Variants in P2RY4 observed in about 807,000 individuals in gnomAD.
P2RY4 encodes the protein pyrimidinergic receptor P2Y4, also known as P2Y purinoceptor 4.
For missense variants in P2RY4, 291 were observed against 308.5 expected, an observed-to-expected ratio of 0.94 and a Z score of 0.42; for synonymous variants, 121 against 131.6, an observed-to-expected ratio of 0.92 and a Z score of 0.55.
chrX:70,258,215 G>A lies in P2RY4; in HGVS notation c.*312C>T, dbSNP rs1170937832. The A allele has an allele frequency of 1.6e-5, 4 of 249,211 alleles. No homozygotes were observed. The highest frequency in any genetic ancestry group is 2.8e-5 in the Non-Finnish European group (4 of 140,905). 20.5% of individuals were successfully genotyped at this position (249,211 alleles called of 1,213,427 possible). A position where few individuals can be genotyped will look rare whatever the true frequency, so the allele number is the denominator to read the frequency against. On this transcript the variant is annotated 3_prime_UTR_variant, in exon 1 of 1. Coordinates refer to ENST00000374519, the MANE Select transcript of P2RY4 (RefSeq NM_002565.4). ...AGAAACACATGCTATAGGAGGCTGT[G>A]GGGGAAATGGGACAGGGAAAGAGGA...
Position 70,258,614 on chromosome X carries a change from T to C in P2RY4, c.1011A>G (p.Leu337=). The C allele has an allele frequency of 1.7e-6, 2 of 1,211,764 alleles. No individual in the cohort carries two copies. The change falls in exon 1 of 1, where the codon CTA becomes CTG. Residue 337 remains leucine, a synonymous_variant. Transcript: ENST00000374519. ...QPRTAASSLA[L]VSLPEDSSCR... ...AGCTGCTATCCTCAGGCAGGGACACTAGTGCCAGGGAAGAGGCAGCCGTGC... is the reference window on the plus strand; with the variant it reads ...AGCTGCTATCCTCAGGCAGGGACACCAGTGCCAGGGAAGAGGCAGCCGTGC...
chrX:70,258,524 G>A lies in P2RY4; in HGVS notation c.*3C>T, dbSNP rs201734369. ...CTTTTCTCTCACTTCCCGGCTTCCC[G>A]TGTTACAATCTATCTGCCCTAGGAG... On this transcript the variant is annotated 3_prime_UTR_variant, in exon 1 of 1. Coordinates refer to ENST00000374519, the MANE Select transcript of P2RY4 (RefSeq NM_002565.4). The A allele has an allele frequency of 4.5e-4, 525 of 1,178,335 alleles. 3 individuals are homozygous for A. In the African/African-American group the frequency reaches 8.1e-3, roughly 18 times the overall value.
Position 70,259,561 on chromosome X carries a change from C to T in P2RY4, c.64G>A (p.Glu22Lys). 1 of 1,206,640 alleles carries T rather than the reference C, an allele frequency of 8.3e-7. No individual in the cohort carries two copies. Among genetic ancestry groups the T allele is most frequent in the Non-Finnish European group, 1.1e-6 (1 of 892,472 alleles). Residue 22 changes from glutamate (E) to lysine (K), a missense_variant, in exon 1 of 1, where the codon GAG becomes AAG. Transcript: ENST00000374519. The stretch of plus-strand genomic sequence containing the variant: ...TCAAACCAACAGTCCAGCTCCACCT[C>T]ACTGCTGCCAGGACCTGGGCTGAGG... ...LGLSPGPGSS[E>K]VELDCWFDED...
rs775858259 is a variant in P2RY4 at position 70,258,516 on chromosome X, G to A, written c.*11C>T. The A allele has an allele frequency of 8.5e-6, 10 of 1,172,828 alleles. No homozygotes were observed. The highest frequency in any genetic ancestry group is 3.9e-5 in the South Asian group (2 of 50,658). On this transcript the variant is annotated 3_prime_UTR_variant, in exon 1 of 1. Transcript: ENST00000374519. ...CTCATCCCCTTTTCTCTCACTTCCCGGCTTCCCGTGTTACAATCTATCTGC... is the reference window on the plus strand; with the variant it reads ...CTCATCCCCTTTTCTCTCACTTCCCAGCTTCCCGTGTTACAATCTATCTGC...
In P2RY4 at chrX:70,259,808, C is replaced by G. The variant is rs1319964617; in HGVS notation, c.-184G>C. On this transcript the variant is annotated 5_prime_UTR_variant, in exon 1 of 1. Coordinates refer to ENST00000374519, the MANE Select transcript of P2RY4 (RefSeq NM_002565.4). The stretch of plus-strand genomic sequence containing the variant: ...TGGCCCCTACCCAAGCTCCCTTGGT[C>G]CAGCTTGGGAAGTGGTGGGCAGCAG... 8.6e-6 allele frequency: 4 copies of G among 463,745 alleles called. No homozygotes were observed. The highest frequency in any genetic ancestry group is 3.7e-6 in the Non-Finnish European group (1 of 269,903). 38.2% of individuals were successfully genotyped at this position (463,745 alleles called of 1,213,427 possible).
Position 70,259,748 on chromosome X carries a change from T to C in P2RY4, c.-124A>G. 1.5e-6 allele frequency: 1 copy of C among 684,700 alleles called. No individual in the cohort carries two copies. The highest frequency in any genetic ancestry group is 2.1e-6 in the Non-Finnish European group (1 of 465,622). The allele number at this position is 684,700 out of a possible 1,213,427, so 56.4% of individuals were successfully genotyped here. A position where few individuals can be genotyped will look rare whatever the true frequency, so the allele number is the denominator to read the frequency against. The stretch of plus-strand genomic sequence containing the variant: ...CAGTGGTTGAAGCACTAGGGAGAGC[T>C]GACAGAAGCGCATCTGGGTGCACTC... On this transcript the variant is annotated 5_prime_UTR_variant, in exon 1 of 1. Coordinates refer to ENST00000374519, the MANE Select transcript of P2RY4 (RefSeq NM_002565.4).
rs933842218 is a variant in P2RY4 at position 70,258,332 on chromosome X, A to C, written c.*195T>G. The C allele has an allele frequency of 5.0e-6, 2 of 401,469 alleles. No homozygotes were observed. The highest frequency in any genetic ancestry group is 5.0e-5 in the African/African-American group (2 of 39,653). 33.1% of individuals were successfully genotyped at this position (401,469 alleles called of 1,213,427 possible). Reference sequence around the variant, plus strand: ...GGAGTAGAAGATTGGCATTGGCTAAAAAGAGTCGGCAACTGAAGGGGTTAT... The same window carrying C: ...GGAGTAGAAGATTGGCATTGGCTAACAAGAGTCGGCAACTGAAGGGGTTAT... On this transcript the variant is annotated 3_prime_UTR_variant, in exon 1 of 1. Coordinates refer to ENST00000374519, the MANE Select transcript of P2RY4 (RefSeq NM_002565.4).
At position 70,258,188 on chromosome X, in the gene P2RY4, A is replaced by C; in HGVS notation, c.*339T>G. 5.1e-6 allele frequency: 1 copy of C among 194,847 alleles called. No homozygotes were observed. Among genetic ancestry groups the C allele is most frequent in the Non-Finnish European group, 9.5e-6 (1 of 105,720 alleles). The allele number at this position is 194,847 out of a possible 1,213,427, so 16.1% of individuals were successfully genotyped here. A position where few individuals can be genotyped will look rare whatever the true frequency, so the allele number is the denominator to read the frequency against. On this transcript the variant is annotated 3_prime_UTR_variant, in exon 1 of 1. Transcript: ENST00000374519. The stretch of plus-strand genomic sequence containing the variant: ...TTCAGCTGAATGCTCTGGTCTGGGT[A>C]GAGAAACACATGCTATAGGAGGCTG...
chrX:70,258,818 G>A lies in P2RY4; in HGVS notation c.807C>T (p.Tyr269=), dbSNP rs773147008. 8.3e-7 allele frequency: 1 copy of A among 1,211,746 alleles called. No individual in the cohort carries two copies. Among genetic ancestry groups the A allele is most frequent in the Non-Finnish European group, 1.1e-6 (1 of 895,264 alleles). The change falls in exon 1 of 1, where the codon TAC becomes TAT. Residue 269 remains tyrosine (Y), a synonymous_variant. Coordinates refer to ENST00000374519, the MANE Select transcript of P2RY4 (RefSeq NM_002565.4). The stretch of plus-strand genomic sequence containing the variant: ...AGTCAGCTTCCAACAGCCTGGCCAG[G>A]TAGTAAATGGTGCGGGTGATGTGGA... ...VPFHITRTIY[Y]LARLLEADCR...
rs1377362344 is a variant in P2RY4, at chrX:70,258,321, G to A, written c.*206C>T. The A allele has an allele frequency of 5.1e-6, 2 of 389,256 alleles. No individual in the cohort carries two copies. The highest frequency in any genetic ancestry group is 9.7e-5 in the Admixed American group (2 of 20,702). 32.1% of individuals were successfully genotyped at this position (389,256 alleles called of 1,213,427 possible). A position where few individuals can be genotyped will look rare whatever the true frequency, so the allele number is the denominator to read the frequency against. On this transcript the variant is annotated 3_prime_UTR_variant, in exon 1 of 1. Transcript: ENST00000374519. The stretch of plus-strand genomic sequence containing the variant: ...ACAACGAGAAAGGAGTAGAAGATTG[G>A]CATTGGCTAAAAAGAGTCGGCAACT...
Position 70,258,429 on chromosome X carries a change from G to A in P2RY4, c.*98C>T. On this transcript the variant is annotated 3_prime_UTR_variant, in exon 1 of 1. Coordinates refer to ENST00000374519, the MANE Select transcript of P2RY4 (RefSeq NM_002565.4). Reference sequence around the variant, plus strand: ...GGGTGAGGGCTTCTCTCCAGAGCCTGGAAAAGAGGAAGAAGCACCTTACCA... The same window carrying A: ...GGGTGAGGGCTTCTCTCCAGAGCCTAGAAAAGAGGAAGAAGCACCTTACCA... 1.0e-6 allele frequency: 1 copy of A among 992,543 alleles called. No homozygotes were observed. The highest frequency in any genetic ancestry group is 3.0e-4 in the Middle Eastern group (1 of 3,305). The allele number at this position is 992,543 out of a possible 1,213,427, so 81.8% of individuals were successfully genotyped here. A position where few individuals can be genotyped will look rare whatever the true frequency, so the allele number is the denominator to read the frequency against.
Position 70,259,645 on chromosome X carries a change from G to A in P2RY4, c.-21C>T, listed in dbSNP as rs769303347. 3.9e-4 allele frequency: 453 copies of A among 1,155,471 alleles called. No individual in the cohort carries two copies. Among genetic ancestry groups the A allele is most frequent in the Non-Finnish European group, 4.9e-4 (428 of 867,537 alleles). On this transcript the variant is annotated 5_prime_UTR_variant, in exon 1 of 1. Transcript: ENST00000374519. ...GCCATGGCCCCCCTGGAGATGGGAA[G>A]GGGAGAAGTGAGGGTGGCAGGATTT...
rs531425052 is a variant in P2RY4, at chrX:70,259,743, A to C, written c.-119T>G. On this transcript the variant is annotated 5_prime_UTR_variant, in exon 1 of 1. Coordinates refer to ENST00000374519, the MANE Select transcript of P2RY4 (RefSeq NM_002565.4). ...GAGAGCAGTGGTTGAAGCACTAGGGAGAGCTGACAGAAGCGCATCTGGGTG... is the reference window on the plus strand; with the variant it reads ...GAGAGCAGTGGTTGAAGCACTAGGGCGAGCTGACAGAAGCGCATCTGGGTG... The C allele has an allele frequency of 2.6e-5, 18 of 703,026 alleles. No individual in the cohort carries two copies. The South Asian group carries it at 4.7e-4, about 19-fold the overall frequency. The allele number at this position is 703,026 out of a possible 1,213,427, so 57.9% of individuals were successfully genotyped here. A position where few individuals can be genotyped will look rare whatever the true frequency, so the allele number is the denominator to read the frequency against.
rs2085584989 is a variant in P2RY4, at chrX:70,259,319, G to A, written c.306C>T (p.Pro102=). The change falls in exon 1 of 1, where the codon CCC becomes CCT. Residue 102 remains proline (P), a synonymous_variant. Coordinates refer to ENST00000374519, the MANE Select transcript of P2RY4 (RefSeq NM_002565.4). ...CGAACTTGCAGATCTCAGTGCCAAA[G>A]GGCCAGTGGTTGTGGGCTGCATAAT... ...IYYYAAHNHW[P]FGTEICKFVR... 8.3e-7 allele frequency: 1 copy of A among 1,211,009 alleles called. No homozygotes were observed. Among genetic ancestry groups the A allele is most frequent in the Admixed American group, 2.2e-5 (1 of 45,942 alleles).
rs757546796 is a variant in P2RY4, at chrX:70,259,467, T to C, written c.158A>G (p.Asn53Ser). 8.3e-7 allele frequency: 1 copy of C among 1,211,368 alleles called. No individual in the cohort carries two copies. Among genetic ancestry groups the C allele is most frequent in the South Asian group, 1.8e-5 (1 of 56,800 alleles). ...AVVFVLGLGL[N>S]APTLWLFIFR... ...GATGAAGAGCCATAGGGTTGGGGCGTTAAGGCCCAAGCCCAGCACAAAGAC... is the reference window on the plus strand; with the variant it reads ...GATGAAGAGCCATAGGGTTGGGGCGCTAAGGCCCAAGCCCAGCACAAAGAC... The change falls in exon 1 of 1, where the codon AAC (asparagine) becomes AGC (serine). Residue 53 changes from asparagine to serine, a missense_variant. Coordinates refer to ENST00000374519, the MANE Select transcript of P2RY4 (RefSeq NM_002565.4).
chrX:70,258,953 A>G lies in P2RY4; in HGVS notation c.672T>C (p.Ala224=). Residue 224 remains alanine (A), a synonymous_variant, in exon 1 of 1, where the codon GCT becomes GCC. Transcript: ENST00000374519. ...CTGGCAAGGGCTGATACAGGCGACG[A>G]GCCATGAGTCCATAGCAAACAAGAG... ...LVTLVCYGLM[A]RRLYQPLPGS... is the part of the protein sequence containing the mutation. 1.7e-6 allele frequency: 2 copies of G among 1,211,388 alleles called. No homozygotes were observed. Among genetic ancestry groups the G allele is most frequent in the Non-Finnish European group, 2.2e-6 (2 of 894,933 alleles).
chrX:70,260,137 C>T lies in P2RY4; in HGVS notation c.-513G>A. On this transcript the variant is annotated 5_prime_UTR_variant, in exon 1 of 1. It adds an upstream start codon to the 5' untranslated region. Transcript: ENST00000374519. ...CTACAGCCCAGGAGCCCCATTGCCACCCTTGCCCAAGAACGTTGGCACATC... is the reference window on the plus strand; with the variant it reads ...CTACAGCCCAGGAGCCCCATTGCCATCCTTGCCCAAGAACGTTGGCACATC... Among the ~76,000 whole-genome samples, 1 of 111,688 alleles carries T rather than the reference C, an allele frequency of 9.0e-6. No individual in the cohort carries two copies. Among genetic ancestry groups the T allele is most frequent in the South Asian group, 3.8e-4 (1 of 2,646 alleles).
At position 70,260,005 on chromosome X, in the gene P2RY4, T is replaced by A. The variant is rs1392570019; in HGVS notation, c.-381A>T. Among the ~76,000 whole-genome samples, 2 of 112,543 alleles carry A rather than the reference T, an allele frequency of 1.8e-5. No individual in the cohort carries two copies. Among genetic ancestry groups the A allele is most frequent in the African/African-American group, 3.2e-5 (1 of 31,003 alleles). On this transcript the variant is annotated 5_prime_UTR_variant, in exon 1 of 1. Coordinates refer to ENST00000374519, the MANE Select transcript of P2RY4 (RefSeq NM_002565.4). ...CTTCTGACTCGTCATCACAGCTATATCCCTGGAAGAGGAGTGTCTCTCCCC... is the reference window on the plus strand; with the variant it reads ...CTTCTGACTCGTCATCACAGCTATAACCCTGGAAGAGGAGTGTCTCTCCCC...
chrX:70,259,711 G>C lies in P2RY4; in HGVS notation c.-87C>G. 1.2e-6 allele frequency: 1 copy of C among 869,458 alleles called. No homozygotes were observed. 71.7% of individuals were successfully genotyped at this position (869,458 alleles called of 1,213,427 possible). ...TCCCTGAGCTGGAGCAAAAAAAGTA[G>C]AGCAGGGAGAGCAGTGGTTGAAGCA... On this transcript the variant is annotated 5_prime_UTR_variant, in exon 1 of 1. Coordinates refer to ENST00000374519, the MANE Select transcript of P2RY4 (RefSeq NM_002565.4).
Sources: allele counts gnomAD v4.1 joint callset (sites outside exome capture counted in the v4.1 genomes callset), GRCh38; gene constraint gnomAD v4.1.1; transcripts MANE v1.5; gene names NCBI Gene and HGNC (gene_info 2026-07-23, HGNC 2026-07-21).